The following DYNC1LI1 variants were observed in gnomAD, a reference collection of about 807,000 sequenced individuals.
DYNC1LI1 encodes dynein cytoplasmic 1 light intermediate chain 1, also known as cytoplasmic dynein 1 light intermediate chain 1.
In DYNC1LI1, 19 loss-of-function variants were observed where a neutral mutation model predicts 63.8. The observed-to-expected ratio is 0.30, with a 90% CI of 0.21 to 0.44. The LOEUF is 0.44. DYNC1LI1 is among the 20% of genes least tolerant of loss of function. DYNC1LI1 has a pLI of 1.00. For synonymous variants in DYNC1LI1, 225 were observed against 232.3 expected (o/e 0.97, Z 0.28); for missense variants, 565 against 630.2 (o/e 0.90, Z 1.11).
chr3:32,541,997 A>C (rs1215676118), intron 4 of DYNC1LI1, among the ~76,000 whole-genome samples: 2 of 152,246 alleles, frequency 1.3e-5, no homozygotes, highest in Non-Finnish European at 2.9e-5. Context: ...ATAAGATGTC[A>C]AGTTTTCAAA....
rs777967874 is a variant in DYNC1LI1, at chr3:32,570,373, G to A, written c.193C>T (p.Pro65Ser). The change falls in exon 2 of 13, where the codon CCT becomes TCT. Residue 65 changes from proline (P) to serine (S), a missense_variant. By Grantham distance (74) the Pro-to-Ser change is moderately conservative. Transcript: ENST00000273130. Reference protein sequence around the residue: ...EVSTRSRSKLPAGKNVLLLGE... With the variant: ...EVSTRSRSKLSAGKNVLLLGE... ...AGCAGTAGCACGTTCTTCCCCGCAG[G>A]GAGCTTGGAGCGCGAGCGGGTGGAG... The A allele has an allele frequency of 6.2e-7, 1 of 1,605,728 alleles. No individual in the cohort carries two copies. Among genetic ancestry groups the A allele is most frequent in the Non-Finnish European group, 8.5e-7 (1 of 1,176,996 alleles).
chr3:32,529,511 G>A (rs369281136), intron 11 of DYNC1LI1, 29 bp downstream of exon 11: 9 of 1,581,246 alleles, frequency 5.7e-6, no homozygotes, highest in East Asian at 2.2e-5. Flanking sequence ...AAAATGTATT[G>A]TCTTGTTATC....
intron 2 of DYNC1LI1, among the ~76,000 whole-genome samples, chr3:32,557,112 A>C (rs1698125160): frequency 6.6e-6 from 1 of 152,206 alleles, no homozygotes; most frequent in South Asian, 2.1e-4. Context: ...CAGTGTTTGA[A>C]GATACTAAAA....
intron 4 of DYNC1LI1, among the ~76,000 whole-genome samples, chr3:32,543,902 A>T (rs1697916601): frequency 6.6e-6 from 1 of 151,344 alleles, no homozygotes. Flanking sequence ...CTATGTCTAC[A>T]AAAAATAAAA....
intron 2 of DYNC1LI1, among the ~76,000 whole-genome samples, chr3:32,546,472 T>A (rs1180793374): frequency 6.6e-6 from 1 of 152,208 alleles, no homozygotes; most frequent in Non-Finnish European, 1.5e-5. Flanking sequence ...TCCGTCTTGT[T>A]AAATCTTGTC....
intron 8 of DYNC1LI1, chr3:32,530,799 C>T: frequency 2.9e-6 from 1 of 341,348 alleles, no homozygotes; most frequent in Non-Finnish European, 5.3e-6. Flanking sequence ...GCTAGTGTGA[C>T]TAAGGAAATG....
intron 2 of DYNC1LI1, among the ~76,000 whole-genome samples, chr3:32,556,280 T>G (rs1698113613): frequency 6.6e-6 from 1 of 152,230 alleles, no homozygotes; most frequent in Admixed American, 6.5e-5. Context: ...CTTTGTGCTC[T>G]CAATAGCACA....
At chr3:32,563,288 A>G (rs1047769450) in intron 2 of DYNC1LI1, among the ~76,000 whole-genome samples, 10 of 144,318 alleles carry the variant, frequency 6.9e-5, no homozygotes, top group African/African-American at 2.5e-4. Flanking sequence ...ATGGTCACTT[A>G]CTTTTTTTTT....
intron 2 of DYNC1LI1, among the ~76,000 whole-genome samples, chr3:32,549,605 A>G (rs1326447621): frequency 6.6e-6 from 1 of 152,188 alleles, no homozygotes; most frequent in African/African-American, 2.4e-5. Flanking sequence ...TTCAATAAGT[A>G]TTTTGTAAAG....
intron 12 of DYNC1LI1, among the ~76,000 whole-genome samples, chr3:32,527,283 T>A (rs1450330854): frequency 6.6e-6 from 1 of 151,930 alleles, no homozygotes; most frequent in African/African-American, 2.4e-5. Flanking sequence ...GACAACAGAG[T>A]GAGACTCTGT....
chr3:32,537,155 A>C (rs1277271334), intron 5 of DYNC1LI1, 51 bp from the exon 6 acceptor site: 6 of 1,044,140 alleles, frequency 5.7e-6, no homozygotes, highest in African/African-American at 1.6e-5. Flanking sequence ...ATCATAACTA[A>C]ATATAGTAAT....
At chr3:32,562,703 T>G (rs1457203519) in intron 2 of DYNC1LI1, among the ~76,000 whole-genome samples, 1 of 152,206 alleles carries the variant, frequency 6.6e-6, no homozygotes, top group Non-Finnish European at 1.5e-5. Flanking sequence ...TTTAAAATAG[T>G]GATTTCCAAT....
intron 2 of DYNC1LI1, among the ~76,000 whole-genome samples, chr3:32,561,816 A>G (rs1698198868): frequency 6.6e-6 from 1 of 152,050 alleles, no homozygotes; most frequent in Admixed American, 6.6e-5. Context: ...ATATCTATAT[A>G]TACTATTCAG....
At position 32,526,367 on chromosome 3, in the gene DYNC1LI1, AAC is replaced by A. The variant is rs1287280169; in HGVS notation, c.*430_*431del. 2 of 153,244 alleles carry A rather than the reference AAC, an allele frequency of 1.3e-5. No individual in the cohort carries two copies. The highest frequency in any genetic ancestry group is 4.8e-5 in the African/African-American group (2 of 41,456). The allele number at this position is 153,244 out of a possible 1,614,324, so 9.5% of individuals were successfully genotyped here. ...ACGATTTTTCTCTGTCAGCAAAACTAACAAATTTTTAAAAATGATTTTAATAG... is the reference window on the plus strand; with the variant it reads ...ACGATTTTTCTCTGTCAGCAAAACTAAAATTTTTAAAAATGATTTTAATAG... On this transcript the variant is annotated 3_prime_UTR_variant, in exon 13 of 13. Transcript: ENST00000273130.
In DYNC1LI1 at chr3:32,570,776, T is replaced by C; in HGVS notation, c.-6A>G. The stretch of plus-strand genomic sequence containing the variant: ...ACTCGCCCCACGGCCGCCATCTTGG[T>C]CGGGAATCACACCACTCCCGGCAAG... On this transcript the variant is annotated 5_prime_UTR_variant, in exon 1 of 13. Coordinates refer to ENST00000273130, the MANE Select transcript of DYNC1LI1 (RefSeq NM_016141.4). 6.3e-7 allele frequency: 1 copy of C among 1,599,272 alleles called. No individual in the cohort carries two copies. The highest frequency in any genetic ancestry group is 1.1e-5 in the South Asian group (1 of 89,754).
chr3:32,557,858 C>T (rs1388739493), intron 2 of DYNC1LI1, among the ~76,000 whole-genome samples: 1 of 152,174 alleles, frequency 6.6e-6, no homozygotes, highest in Admixed American at 6.5e-5. Flanking sequence ...GATCTGTAAA[C>T]ATACAATTAC....
intron 2 of DYNC1LI1, among the ~76,000 whole-genome samples, chr3:32,558,428 AAAG>A (rs1370994880): frequency 5.3e-5 from 8 of 151,296 alleles, no homozygotes; most frequent in Non-Finnish European, 1.2e-4. Context: ...AAAAAAAAGA[AAAG>A]AAAAAGAAAA....
At chr3:32,551,858 G>A (rs759219410) in intron 2 of DYNC1LI1, among the ~76,000 whole-genome samples, 23 of 152,004 alleles carry the variant, frequency 1.5e-4, no homozygotes, top group Non-Finnish European at 2.5e-4. Context: ...TGTTACCTAG[G>A]GTTCCTTCCT....
In DYNC1LI1 at chr3:32,529,552, G is replaced by A; in HGVS notation, c.1294C>T (p.Pro432Ser). 1 of 1,606,532 alleles carries A rather than the reference G, an allele frequency of 6.2e-7. No homozygotes were observed. Among genetic ancestry groups the A allele is most frequent in the Non-Finnish European group, 8.5e-7 (1 of 1,176,088 alleles). The change falls in exon 11 of 13, where the codon CCA (proline) becomes TCA (serine). Residue 432 changes from proline to serine, a missense_variant. Pro to Ser is a moderately conservative substitution (Grantham distance 74, BLOSUM62 -1). Coordinates refer to ENST00000273130, the MANE Select transcript of DYNC1LI1 (RefSeq NM_016141.4). ...PIPAGSKKID[P>S]NMKAGATSEG... ...GAAAGAGATGTACCTTTCATGTTTG[G>A]ATCAATTTTTTTTGACCCAGCAGGA...
Sources: gnomAD v4.1 joint callset for allele counts (sites outside exome capture counted in the v4.1 genomes callset) on GRCh38, gnomAD v4.1.1 for gene constraint, MANE v1.5 for transcripts, NCBI Gene and HGNC (gene_info 2026-07-23, HGNC 2026-07-21) for gene names.